COG5: variants seen among roughly 807,000 people sequenced by gnomAD.
COG5 encodes the protein conserved oligomeric Golgi complex subunit 5.
In COG5, 86 loss-of-function variants were observed where a neutral mutation model predicts 110.4. The ratio of observed to expected loss-of-function variants is 0.78; its 90% confidence interval spans 0.65 to 0.93. The LOEUF (loss-of-function observed/expected upper bound fraction) is 0.93, where lower values mean the gene tolerates loss of function less well. Ranked by LOEUF, COG5 falls within the 40% of genes least tolerant of loss-of-function variation. The probability of loss-of-function intolerance (pLI) is 0.00; values close to 1 mark genes in which losing one functional copy is unlikely to be tolerated. For missense variants in COG5, 1,077 were observed against 987.0 expected, an observed-to-expected ratio of 1.09 and a Z score of -1.22; for synonymous variants, 360 against 334.6, an observed-to-expected ratio of 1.08 and a Z score of -0.83.
At chr7:107,470,129 T>A (rs1333870667) in intron 6 of COG5, 1 of 152,186 alleles carries the variant, frequency 6.6e-6, no homozygotes. Flanking sequence ...AAAGACTGAA[T>A]CTAAATGTTG....
At chr7:107,332,755 C>T (rs145575122) in intron 10 of COG5, among the ~76,000 whole-genome samples, 22 of 152,084 alleles carry the variant, frequency 1.4e-4, no homozygotes, top group African/African-American at 5.3e-4. Context: ...TTACTGAAAC[C>T]TGAGTGTGAA....
chr7:107,534,697 T>G (rs919113675), intron 5 of COG5, among the ~76,000 whole-genome samples: 1 of 151,302 alleles, frequency 6.6e-6, no homozygotes, highest in Non-Finnish European at 1.5e-5. Flanking sequence ...CAAAGAGATT[T>G]AGACTCCCAG....
chr7:107,263,300 G>C (rs1056018517), intron 14 of COG5, among the ~76,000 whole-genome samples: 6 of 152,196 alleles, frequency 3.9e-5, no homozygotes, highest in African/African-American at 9.7e-5. Flanking sequence ...TCTCAAAGTA[G>C]AAGATGCTTA....
intron 8 of COG5, among the ~76,000 whole-genome samples, chr7:107,363,775 G>T (rs1456807145): frequency 6.6e-6 from 1 of 152,058 alleles, no homozygotes; most frequent in African/African-American, 2.4e-5. Context: ...GACCAACATG[G>T]AGAAACCCCA....
intron 7 of COG5, among the ~76,000 whole-genome samples, chr7:107,382,031 G>C (rs922462718): frequency 6.6e-6 from 1 of 152,110 alleles, no homozygotes; most frequent in Non-Finnish European, 1.5e-5. Context: ...TGAAAAAACT[G>C]GTAATTTACC....
At position 107,454,513 on chromosome 7, in the gene COG5, G is replaced by T. The variant is rs1448808024; in HGVS notation, c.539-41881C>A. 1.2e-4 allele frequency among the ~76,000 whole-genome samples: 18 copies of T among 152,098 alleles called. No individual in the cohort carries two copies. The East Asian group carries it at 3.5e-3, about 29-fold the overall frequency. ...TCTTTAAAGTATTTTTTATATAAATGGACTCATCTATATTTAAAACACCTA... is the reference window on the plus strand; with the variant it reads ...TCTTTAAAGTATTTTTTATATAAATTGACTCATCTATATTTAAAACACCTA... On this transcript the variant is annotated intron_variant, in intron 6 of 21. Transcript: ENST00000297135.
chr7:107,215,302 C>A (rs1271897359), intron 19 of COG5, among the ~76,000 whole-genome samples: 1 of 152,104 alleles, frequency 6.6e-6, no homozygotes, highest in African/African-American at 2.4e-5. Context: ...TGAGTCCTTA[C>A]CTATCAATAA....
intron 11 of COG5, among the ~76,000 whole-genome samples, chr7:107,311,412 A>C (rs1431517301): frequency 6.4e-5 from 6 of 93,390 alleles, no homozygotes; most frequent in African/African-American, 2.4e-4. Context: ...TTTGAGACGG[A>C]GTCTCGCTCT....
chr7:107,399,990 G>T (rs1791307985), intron 7 of COG5, among the ~76,000 whole-genome samples: 1 of 151,664 alleles, frequency 6.6e-6, no homozygotes, highest in Non-Finnish European at 1.5e-5. Flanking sequence ...AACCACTTCA[G>T]AAAACTGGTA....
intron 14 of COG5, among the ~76,000 whole-genome samples, chr7:107,264,766 CA>C (rs1803666276): frequency 6.6e-6 from 1 of 151,852 alleles, no homozygotes; most frequent in Non-Finnish European, 1.5e-5. Flanking sequence ...AGTTTATACA[CA>C]AAGATTATAT....
At chr7:107,388,820 C>A (rs575199486) in intron 7 of COG5, among the ~76,000 whole-genome samples, 1 of 152,062 alleles carries the variant, frequency 6.6e-6, no homozygotes, top group African/African-American at 2.4e-5. Flanking sequence ...CACACCATGG[C>A]GTGCCTAGGA....
intron 6 of COG5, among the ~76,000 whole-genome samples, chr7:107,512,353 C>G (rs1312099033): frequency 6.6e-6 from 1 of 152,100 alleles, no homozygotes; most frequent in East Asian, 1.9e-4. Context: ...TGTGAAGGAC[C>G]TCTTCAAGGA....
At chr7:107,211,057 G>A (rs753555068) in intron 20 of COG5, 42 bp downstream of exon 20, 2 of 1,609,666 alleles carry the variant, frequency 1.2e-6, no homozygotes, top group Non-Finnish European at 1.7e-6. Flanking sequence ...ACAGGTAATG[G>A]GAAGAGTCAC....
At chr7:107,215,797 C>G (rs1228279981) in intron 19 of COG5, among the ~76,000 whole-genome samples, 3 of 151,420 alleles carry the variant, frequency 2.0e-5, no homozygotes, top group African/African-American at 2.4e-5. Context: ...GCAAGCTCTG[C>G]CTCCTGGGTT....
At chr7:107,236,989 T>C (rs1036968086) in intron 17 of COG5, among the ~76,000 whole-genome samples, 2 of 152,182 alleles carry the variant, frequency 1.3e-5, no homozygotes, top group African/African-American at 4.8e-5. Flanking sequence ...CAAGTGCTAC[T>C]CTCTGGCCTC....
intron 11 of COG5, among the ~76,000 whole-genome samples, chr7:107,302,576 A>G (rs1485092534): frequency 1.3e-5 from 2 of 152,162 alleles, no homozygotes; most frequent in Non-Finnish European, 2.9e-5. Context: ...TATCTCAGAG[A>G]AAACTTCTTT....
At chr7:107,214,127 T>G (rs953592680) in intron 19 of COG5, among the ~76,000 whole-genome samples, 4 of 151,876 alleles carry the variant, frequency 2.6e-5, no homozygotes, top group African/African-American at 9.7e-5. Context: ...ACAACTGAAC[T>G]GAAAAATTAA....
At chr7:107,228,138 A>G (rs1800498095) in intron 19 of COG5, among the ~76,000 whole-genome samples, 1 of 151,796 alleles carries the variant, frequency 6.6e-6, no homozygotes, top group African/African-American at 2.4e-5. Flanking sequence ...TGTTTCTACA[A>G]AAAAATATAA....
At chr7:107,273,075 T>C (rs1486964507) in intron 14 of COG5, among the ~76,000 whole-genome samples, 23 of 152,198 alleles carry the variant, frequency 1.5e-4, no homozygotes, top group Admixed American at 1.5e-3. Flanking sequence ...CCATTAATCA[T>C]GCCTCCCTTC....
Sources: gnomAD v4.1 joint callset for allele counts (sites outside exome capture counted in the v4.1 genomes callset) on GRCh38, gnomAD v4.1.1 for gene constraint, MANE v1.5 for transcripts, NCBI Gene and HGNC (gene_info 2026-07-23, HGNC 2026-07-21) for gene names.